The following RIMBP2 variants were observed in gnomAD, a reference collection of about 807,000 sequenced individuals.
The protein encoded by RIMBP2 is RIMS-binding protein 2.
In RIMBP2, 48 loss-of-function variants were observed where a neutral mutation model predicts 118.6. The observed-to-expected ratio is 0.40, with a 90% CI of 0.32 to 0.51. The LOEUF (loss-of-function observed/expected upper bound fraction) is 0.51. Ranked by LOEUF, RIMBP2 falls within the 20% of genes least tolerant of loss-of-function variation. The pLI is 0.41. For synonymous variants in RIMBP2, 762 were observed against 742.9 expected, an observed-to-expected ratio of 1.03 and a Z score of -0.42; for missense variants, 1,551 against 1,768.3, an observed-to-expected ratio of 0.88 and a Z score of 2.20.
chr12:130,666,775 G>A (rs2063932124), intron 1 of RIMBP2, among the ~76,000 whole-genome samples: 1 of 134,172 alleles, frequency 7.5e-6, no homozygotes, highest in Admixed American at 7.5e-5. Flanking sequence ...AGGAAGGAGA[G>A]AGGGAAGAAG....
chr12:130,617,528 A>G lies in RIMBP2; in HGVS notation c.-217+10794T>C, dbSNP rs2061019063. ...AGAAACGACAAGCAGGTTTCAGCTG[A>G]CACCAGCTTTAGATACTGCTAGAAG... On this transcript the variant is annotated intron_variant, in intron 2 of 22. Coordinates refer to ENST00000690449, the MANE Select transcript of RIMBP2 (RefSeq NM_001393629.1). The surrounding 1 kb of genome is among the most constrained non-coding windows in gnomAD (Gnocchi z 4.6). Among the ~76,000 whole-genome samples, 1 of 152,242 alleles carries G rather than the reference A, an allele frequency of 6.6e-6. No individual in the cohort carries two copies. Among genetic ancestry groups the G allele is most frequent in the South Asian group, 2.1e-4 (1 of 4,836 alleles).
rs903490746 is a variant in RIMBP2, at chr12:130,621,924, C to T, written c.-217+6398G>A. ...CAGGCCCAGGACAGCACTAATGACT[C>T]GTTTGACTGTAACTGGCACTGAGAC... On this transcript the variant is annotated intron_variant, in intron 2 of 22. Coordinates refer to ENST00000690449, the MANE Select transcript of RIMBP2 (RefSeq NM_001393629.1). This position sits in a 1 kb window ranked among gnomAD's most constrained non-coding sequence, Gnocchi z 6.6. Among the ~76,000 whole-genome samples the T allele has an allele frequency of 6.6e-5, 10 of 152,168 alleles. No homozygotes were observed. Among genetic ancestry groups the T allele is most frequent in the East Asian group, 3.8e-4 (2 of 5,196 alleles).
intron 17 of RIMBP2, among the ~76,000 whole-genome samples, chr12:130,414,979 G>T (rs2076016224): frequency 6.6e-6 from 1 of 152,126 alleles, no homozygotes; most frequent in Non-Finnish European, 1.5e-5. Flanking sequence ...AACATACAAA[G>T]AAGAGCTGGT....
At chr12:130,648,213 A>T (rs2063075696) in intron 1 of RIMBP2, among the ~76,000 whole-genome samples, 1 of 146,106 alleles carries the variant, frequency 6.8e-6, no homozygotes, top group Non-Finnish European at 1.6e-5. Context: ...CTGTCAAGGG[A>T]AAAGGGGAAA....
At chr12:130,500,735 C>T (rs1387334972) in intron 4 of RIMBP2, among the ~76,000 whole-genome samples, 1 of 152,130 alleles carries the variant, frequency 6.6e-6, no homozygotes, top group Non-Finnish European at 1.5e-5. Flanking sequence ...TCTTAATTCA[C>T]AGGCCGCATG....
At chr12:130,637,187 T>C (rs2062388196) in intron 1 of RIMBP2, among the ~76,000 whole-genome samples, 1 of 152,248 alleles carries the variant, frequency 6.6e-6, no homozygotes, top group Admixed American at 6.5e-5. Flanking sequence ...TGCCTCATCC[T>C]GTCCTCAGAT....
chr12:130,647,711 T>C lies in RIMBP2; in HGVS notation c.-351-19255A>G, dbSNP rs985918833. ...AACTACAAATCAGAAAATCTTTGCATATACCTACAATTTGTAAGCCCCTGC... is the reference window on the plus strand; with the variant it reads ...AACTACAAATCAGAAAATCTTTGCACATACCTACAATTTGTAAGCCCCTGC... On this transcript the variant is annotated intron_variant, in intron 1 of 22. Coordinates refer to ENST00000690449, the MANE Select transcript of RIMBP2 (RefSeq NM_001393629.1). 2.7e-5 allele frequency among the ~76,000 whole-genome samples: 4 copies of C among 145,726 alleles called. 1 individual carries two copies. Among genetic ancestry groups the C allele is most frequent in the Non-Finnish European group, 4.7e-5 (3 of 64,296 alleles).
chr12:130,548,779 G>A (rs2055425582), intron 2 of RIMBP2, among the ~76,000 whole-genome samples: 1 of 151,728 alleles, frequency 6.6e-6, no homozygotes, highest in Admixed American at 6.6e-5. Context: ...TCACCATGTT[G>A]ACCAGGCTGG....
intron 2 of RIMBP2, among the ~76,000 whole-genome samples, chr12:130,625,118 A>G (rs12828218): frequency 0.058 from 8,796 of 152,304 alleles, 325 homozygotes; most frequent in Non-Finnish European, 0.08. Flanking sequence ...GTGAAAGTCA[A>G]ATCAGGGTAA....
chr12:130,545,888 T>C (rs1421767255), intron 2 of RIMBP2, among the ~76,000 whole-genome samples: 2 of 152,156 alleles, frequency 1.3e-5, no homozygotes, highest in Admixed American at 6.5e-5. Flanking sequence ...GTTTATGGGA[T>C]TGTGGAAAAA....
At position 130,424,856 on chromosome 12, in the gene RIMBP2, G is replaced by A; in HGVS notation, c.2415C>T (p.Asp805=). ...PSGTSHNALK[D]CTDHRTSEGT... is the part of the protein sequence containing the mutation. ...CTTCCGAGGTCCTATGGTCAGTGCAGTCCTTACGGGGTGGTGTGTCAAGAA... is the reference window on the plus strand; with the variant it reads ...CTTCCGAGGTCCTATGGTCAGTGCAATCCTTACGGGGTGGTGTGTCAAGAA... Residue 805 remains aspartate, a splice_region_variant and synonymous_variant, in exon 16 of 23, where the codon GAC becomes GAT. Transcript: ENST00000690449. The surrounding 1 kb of genome is among the most constrained non-coding windows in gnomAD (Gnocchi z 9.8). The A allele has an allele frequency of 8.1e-7, 1 of 1,232,052 alleles. No individual in the cohort carries two copies. The highest frequency in any genetic ancestry group is 1.0e-6 in the Non-Finnish European group (1 of 987,828). 76.3% of individuals were successfully genotyped at this position (1,232,052 alleles called of 1,614,324 possible). A position where few individuals can be genotyped will look rare whatever the true frequency, so the allele number is the denominator to read the frequency against.
intron 2 of RIMBP2, among the ~76,000 whole-genome samples, chr12:130,559,819 G>A (rs185141713): frequency 6.6e-6 from 1 of 152,212 alleles, no homozygotes. Context: ...CCCAGATCTA[G>A]CACTTTGTAA....
At chr12:130,579,870 A>T (rs918422230) in intron 2 of RIMBP2, among the ~76,000 whole-genome samples, 4 of 152,016 alleles carry the variant, frequency 2.6e-5, no homozygotes, top group Non-Finnish European at 5.9e-5. Context: ...AGGCAAAACC[A>T]TCACTTAATA....
intron 5 of RIMBP2, among the ~76,000 whole-genome samples, chr12:130,476,118 A>G (rs1237170786): frequency 6.6e-6 from 1 of 152,128 alleles, no homozygotes; most frequent in Non-Finnish European, 1.5e-5. Context: ...GGTGTGGAGA[A>G]GGAAACCAGG....
chr12:130,444,601 C>T (rs945149984), intron 10 of RIMBP2, among the ~76,000 whole-genome samples: 2 of 152,188 alleles, frequency 1.3e-5, no homozygotes, highest in African/African-American at 4.8e-5. Flanking sequence ...AAAAAGGCAA[C>T]AAAAGGTGGG....
At chr12:130,397,729 G>A in intron 22 of RIMBP2, 180 bp from the exon 23 acceptor site, 1 of 384,442 alleles carries the variant, frequency 2.6e-6, no homozygotes, top group Non-Finnish European at 4.6e-6. Flanking sequence ...CCAGAGAGAG[G>A]CCCCAGACAT....
At chr12:130,478,023 C>T (rs1290991764) in intron 5 of RIMBP2, among the ~76,000 whole-genome samples, 1 of 152,176 alleles carries the variant, frequency 6.6e-6, no homozygotes, top group Non-Finnish European at 1.5e-5. Flanking sequence ...GGGGGCACCC[C>T]AAGCCCATAG....
chr12:130,709,211 G>A (rs73160907), intron 1 of RIMBP2, among the ~76,000 whole-genome samples: 19,591 of 152,306 alleles, frequency 0.13, 1,612 homozygotes, highest in East Asian at 0.24. Context: ...TTGGGGACAA[G>A]CAGGAAGGAA....
rs140592198 is a variant in RIMBP2 at position 130,423,377 on chromosome 12, C to A, written c.3129+765G>T. 1.8e-3 allele frequency among the ~76,000 whole-genome samples: 279 copies of A among 152,296 alleles called. 4 individuals carry two copies. The East Asian group carries it at 0.049, about 27-fold the overall frequency. On this transcript the variant is annotated intron_variant, in intron 16 of 22. Coordinates refer to ENST00000690449, the MANE Select transcript of RIMBP2 (RefSeq NM_001393629.1). Reference sequence around the variant, plus strand: ...GGATCTCGCACCTCTCCTGGGTGGGCCCATCGCAAGCACACGGCCTCAGAC... The same window carrying A: ...GGATCTCGCACCTCTCCTGGGTGGGACCATCGCAAGCACACGGCCTCAGAC...
Sources: allele counts gnomAD v4.1 joint callset (sites outside exome capture counted in the v4.1 genomes callset), GRCh38; gene constraint gnomAD v4.1.1; non-coding constraint Gnocchi (gnomAD v3.1); transcripts MANE v1.5; gene names NCBI Gene and HGNC (gene_info 2026-07-23, HGNC 2026-07-21).